The following MPHOSPH6 variants were observed in gnomAD, a reference collection of about 807,000 sequenced individuals.
MPHOSPH6 encodes M-phase phosphoprotein 6.
A neutral mutation model predicts 21.8 loss-of-function variants in MPHOSPH6; 25 were observed. The observed-to-expected ratio is 1.15, with a 90% CI of 0.83 to 1.60. The LOEUF (loss-of-function observed/expected upper bound fraction) is 1.60, where lower values mean the gene tolerates loss of function less well. MPHOSPH6 is among the 40% of genes most tolerant of loss of function. The pLI, the probability that MPHOSPH6 is intolerant of heterozygous loss-of-function variation, is 0.00. For synonymous variants in MPHOSPH6, 84 were observed against 56.5 expected, an observed-to-expected ratio of 1.49 and a Z score of -2.18; for missense variants, 269 against 181.8, an observed-to-expected ratio of 1.48 and a Z score of -2.76.
chr16:82,169,973 G>T (rs1049030730), intron 1 of MPHOSPH6, 152 bp downstream of exon 1: 5 of 899,394 alleles, frequency 5.6e-6, no homozygotes, highest in Non-Finnish European at 8.1e-6. Flanking sequence ...AAACAGTGCA[G>T]AGCAGGCGCT....
At chr16:82,162,009 A>G (rs1216849279) in intron 2 of MPHOSPH6, among the ~76,000 whole-genome samples, 1 of 152,256 alleles carries the variant, frequency 6.6e-6, no homozygotes, top group South Asian at 2.1e-4. Context: ...ATACACAAAC[A>G]TAAGTGAGTA....
chr16:82,154,201 C>T (rs77149447), intron 2 of MPHOSPH6, among the ~76,000 whole-genome samples: 21,446 of 152,180 alleles, frequency 0.14, 2,229 homozygotes, highest in East Asian at 0.34. Flanking sequence ...TGTTTGAGTT[C>T]TGCCTAGCCA....
intron 2 of MPHOSPH6, among the ~76,000 whole-genome samples, chr16:82,159,688 G>A (rs368262217): frequency 6.6e-6 from 1 of 152,170 alleles, no homozygotes; most frequent in South Asian, 2.1e-4. Flanking sequence ...TTACAGGTGT[G>A]AGCCACCGTG....
rs1312132174 is a variant in MPHOSPH6 at position 82,148,713 on chromosome 16, T to C, written c.*18A>G. ...ACTTCCACCAAGCACCCCTGGGCCATCGCTTAAGGCATCCATCTTAATCCT... is the reference window on the plus strand; with the variant it reads ...ACTTCCACCAAGCACCCCTGGGCCACCGCTTAAGGCATCCATCTTAATCCT... On this transcript the variant is annotated 3_prime_UTR_variant, in exon 5 of 5. Coordinates refer to ENST00000258169, the MANE Select transcript of MPHOSPH6 (RefSeq NM_005792.2). 1.9e-6 allele frequency: 3 copies of C among 1,613,408 alleles called. No homozygotes were observed. Among genetic ancestry groups the C allele is most frequent in the African/African-American group, 2.7e-5 (2 of 75,036 alleles).
chr16:82,169,456 C>A (rs576703511), intron 1 of MPHOSPH6, among the ~76,000 whole-genome samples: 1 of 152,208 alleles, frequency 6.6e-6, no homozygotes, highest in African/African-American at 2.4e-5. Flanking sequence ...TGCCAGCAGA[C>A]TGTCTTTGGA....
chr16:82,162,759 C>A (rs948583632), intron 2 of MPHOSPH6, among the ~76,000 whole-genome samples: 2 of 152,144 alleles, frequency 1.3e-5, no homozygotes, highest in African/African-American at 4.8e-5. Flanking sequence ...GATATACACA[C>A]CTATACATAA....
intron 2 of MPHOSPH6, among the ~76,000 whole-genome samples, chr16:82,157,109 G>C (rs747184850): frequency 2.6e-5 from 4 of 151,958 alleles, no homozygotes; most frequent in Non-Finnish European, 5.9e-5. Flanking sequence ...CCAATCATGA[G>C]TTCTTTAACA....
chr16:82,153,212 A>T (rs527562621), intron 2 of MPHOSPH6, among the ~76,000 whole-genome samples: 1 of 152,368 alleles, frequency 6.6e-6, no homozygotes, highest in African/African-American at 2.4e-5. Flanking sequence ...ATGAAACATG[A>T]AACATTTATA....
intron 2 of MPHOSPH6, among the ~76,000 whole-genome samples, chr16:82,158,693 T>C (rs12447225): frequency 0.12 from 17,902 of 152,080 alleles, 1,293 homozygotes; most frequent in East Asian, 0.29. Flanking sequence ...TCAAGGGGAA[T>C]AACTGACACT....
At chr16:82,163,449 G>C (rs963050516) in intron 2 of MPHOSPH6, among the ~76,000 whole-genome samples, 1 of 152,208 alleles carries the variant, frequency 6.6e-6, no homozygotes, top group Non-Finnish European at 1.5e-5. Context: ...GTCTACCCCA[G>C]CCTTCAGCAC....
chr16:82,149,534 C>A, intron 3 of MPHOSPH6, 131 bp from the exon 4 acceptor site: 1 of 703,872 alleles, frequency 1.4e-6, no homozygotes, highest in Non-Finnish European at 2.4e-6. Context: ...ATAAGGGACT[C>A]TCTGTAATAC....
intron 2 of MPHOSPH6, among the ~76,000 whole-genome samples, chr16:82,160,902 C>G (rs778363588): frequency 5.9e-5 from 9 of 152,068 alleles, no homozygotes; most frequent in Non-Finnish European, 1.2e-4. Context: ...TCCCCTGAAG[C>G]AGGTCATAAA....
chr16:82,155,667 G>A (rs1431982558), intron 2 of MPHOSPH6, among the ~76,000 whole-genome samples: 3 of 152,138 alleles, frequency 2.0e-5, no homozygotes, highest in Non-Finnish European at 4.4e-5. Context: ...ACTTTGGGAG[G>A]CCAAGGTGGG....
At chr16:82,149,509 A>AACT (rs1489357384) in intron 3 of MPHOSPH6, 106 bp from the exon 4 acceptor site, 16 of 920,110 alleles carry the variant, frequency 1.7e-5, no homozygotes, top group Non-Finnish European at 2.6e-5. Flanking sequence ...TAATCTAGAG[A>AACT]ACTAGTCAAA....
At chr16:82,162,895 G>T (rs1303445239) in intron 2 of MPHOSPH6, among the ~76,000 whole-genome samples, 1 of 152,178 alleles carries the variant, frequency 6.6e-6, no homozygotes, top group South Asian at 2.1e-4. Context: ...AAACAGTCCT[G>T]CTCTTTAATA....
At chr16:82,158,359 C>A (rs1425421492) in intron 2 of MPHOSPH6, among the ~76,000 whole-genome samples, 2 of 150,800 alleles carry the variant, frequency 1.3e-5, no homozygotes, top group Non-Finnish European at 3.0e-5. Context: ...ATTGGCTGGG[C>A]ATAGCGGCGG....
intron 2 of MPHOSPH6, among the ~76,000 whole-genome samples, chr16:82,159,449 G>A (rs911115585): frequency 1.3e-5 from 2 of 151,816 alleles, no homozygotes; most frequent in Non-Finnish European, 2.9e-5. Context: ...CTGTTGCCCA[G>A]GCTGGAGTGC....
At chr16:82,151,738 C>T (rs1030889932) in intron 2 of MPHOSPH6, among the ~76,000 whole-genome samples, 1 of 152,138 alleles carries the variant, frequency 6.6e-6, no homozygotes, top group Non-Finnish European at 1.5e-5. Flanking sequence ...CTCTTAAACA[C>T]CACATTTAAT....
At chr16:82,152,277 G>A (rs1440545955) in intron 2 of MPHOSPH6, among the ~76,000 whole-genome samples, 1 of 152,066 alleles carries the variant, frequency 6.6e-6, no homozygotes, top group Non-Finnish European at 1.5e-5. Flanking sequence ...GTTCTTTAGT[G>A]GTGACTTCTG....
Sources: gnomAD v4.1 joint callset for allele counts (sites outside exome capture counted in the v4.1 genomes callset) on GRCh38, gnomAD v4.1.1 for gene constraint, MANE v1.5 for transcripts, NCBI Gene and HGNC (gene_info 2026-07-23, HGNC 2026-07-21) for gene names.